Variants in SAMTOR observed in about 807,000 individuals in gnomAD.
SAMTOR encodes the protein S-adenosylmethionine sensor upstream of mTORC1.
the SAMTOR span, among the ~76,000 whole-genome samples, chr7:112,846,562 G>T: frequency 6.6e-6 from 1 of 152,106 alleles, no homozygotes; most frequent in African/African-American, 2.4e-5. Context: ...ACCCCATAAA[G>T]GGTTAAGTGT....
the SAMTOR span, among the ~76,000 whole-genome samples, chr7:112,895,159 A>G: frequency 6.6e-6 from 1 of 151,724 alleles, no homozygotes; most frequent in Non-Finnish European, 1.5e-5. Context: ...CTTTGTTTTG[A>G]TAATTACATA....
chr7:112,897,405 T>G, the SAMTOR span, among the ~76,000 whole-genome samples: 7 of 152,138 alleles, frequency 4.6e-5, no homozygotes, highest in African/African-American at 1.4e-4. Context: ...TAGAACCATA[T>G]AAAACTGGTG....
At chr7:112,904,968 T>C in the SAMTOR span, among the ~76,000 whole-genome samples, 1 of 152,136 alleles carries the variant, frequency 6.6e-6, no homozygotes, top group Non-Finnish European at 1.5e-5. Context: ...TTCCTTAAGG[T>C]GGTAAACTTA....
chr7:112,831,587 A>C, the SAMTOR span, among the ~76,000 whole-genome samples: 1 of 152,152 alleles, frequency 6.6e-6, no homozygotes, highest in African/African-American at 2.4e-5. Context: ...CCCGGGAGGC[A>C]TAAGTTGCAG....
the SAMTOR span, among the ~76,000 whole-genome samples, chr7:112,845,340 C>T: frequency 2.6e-5 from 4 of 152,000 alleles, no homozygotes; most frequent in Non-Finnish European, 5.9e-5. Context: ...ACAAACTATG[C>T]ATTGACAAAG....
chr7:112,899,327 G>T, the SAMTOR span, among the ~76,000 whole-genome samples: 1 of 151,806 alleles, frequency 6.6e-6, no homozygotes, highest in African/African-American at 2.4e-5. Context: ...AAACAGAATT[G>T]ATCAAGCAGA....
chr7:112,849,548 A>G, the SAMTOR span, among the ~76,000 whole-genome samples: 1 of 152,222 alleles, frequency 6.6e-6, no homozygotes, highest in East Asian at 1.9e-4. Flanking sequence ...ATCAGCAAAC[A>G]GAGAAAATTT....
At chr7:112,838,017 A>G in the SAMTOR span, among the ~76,000 whole-genome samples, 3 of 151,908 alleles carry the variant, frequency 2.0e-5, no homozygotes, top group Non-Finnish European at 4.4e-5. Flanking sequence ...CTTCAACACC[A>G]TATGTGGGGG....
At chr7:112,841,343 A>T in the SAMTOR span, among the ~76,000 whole-genome samples, 1 of 152,160 alleles carries the variant, frequency 6.6e-6, no homozygotes, top group Non-Finnish European at 1.5e-5. Flanking sequence ...TGCTACAAAG[A>T]AAATAAAATA....
At chr7:112,937,142 T>C in the SAMTOR span, among the ~76,000 whole-genome samples, 1 of 152,170 alleles carries the variant, frequency 6.6e-6, no homozygotes, top group Non-Finnish European at 1.5e-5. Flanking sequence ...AAACTATAGA[T>C]CTGAGGTAGA....
the SAMTOR span, among the ~76,000 whole-genome samples, chr7:112,921,388 A>G: frequency 1.3e-5 from 2 of 151,542 alleles, no homozygotes; most frequent in Non-Finnish European, 3.0e-5. Context: ...AAAACTGGCT[A>G]GCCATATGTA....
At chr7:112,915,940 C>T in the SAMTOR span, among the ~76,000 whole-genome samples, 1 of 152,146 alleles carries the variant, frequency 6.6e-6, no homozygotes, top group African/African-American at 2.4e-5. Flanking sequence ...TGACTGTTAT[C>T]TTCTTGTATT....
At chr7:112,909,303 G>T in the SAMTOR span, among the ~76,000 whole-genome samples, 8 of 152,140 alleles carry the variant, frequency 5.3e-5, no homozygotes, top group Non-Finnish European at 1.2e-4. Context: ...AACAGGGAAA[G>T]ACCCCATCTT....
chr7:112,895,882 G>A, the SAMTOR span: 1 of 504,792 alleles, frequency 2.0e-6, no homozygotes, highest in Admixed American at 3.9e-5. Flanking sequence ...AGATAAATTT[G>A]AGCACCTTGT....
the SAMTOR span, among the ~76,000 whole-genome samples, chr7:112,936,137 C>T: frequency 3.3e-3 from 510 of 152,256 alleles, 2 homozygotes; most frequent in African/African-American, 0.012. Context: ...AAGCATATTT[C>T]CATTTATAAA....
the SAMTOR span, among the ~76,000 whole-genome samples, chr7:112,856,744 C>T: frequency 6.6e-6 from 1 of 152,016 alleles, no homozygotes; most frequent in Admixed American, 6.6e-5. Context: ...TATTTATTGT[C>T]CAAATGTATT....
the SAMTOR span, among the ~76,000 whole-genome samples, chr7:112,909,143 G>GA: frequency 6.6e-6 from 1 of 152,120 alleles, no homozygotes. Flanking sequence ...GCCTTCATTA[G>GA]AAAACCCTAT....
At chr7:112,839,025 C>A in the SAMTOR span, among the ~76,000 whole-genome samples, 1 of 151,728 alleles carries the variant, frequency 6.6e-6, no homozygotes, top group Non-Finnish European at 1.5e-5. Flanking sequence ...TTCTAAATAC[C>A]GTTCTCTCAC....
the SAMTOR span, among the ~76,000 whole-genome samples, chr7:112,880,024 C>G: frequency 6.6e-6 from 1 of 152,092 alleles, no homozygotes; most frequent in Non-Finnish European, 1.5e-5. Flanking sequence ...ATCTTATAAA[C>G]AGGTTAACAG....
Sources: allele counts gnomAD v4.1 joint callset (sites outside exome capture counted in the v4.1 genomes callset), GRCh38; gene constraint gnomAD v4.1.1; transcripts MANE v1.5; gene names NCBI Gene and HGNC (gene_info 2026-07-23, HGNC 2026-07-21).